The following IPCEF1 variants were observed in gnomAD, a reference collection of about 807,000 sequenced individuals.
The protein encoded by IPCEF1 is interaction protein for cytohesin exchange factors 1.
Under a neutral mutation model 50.9 loss-of-function variants are expected in IPCEF1, and 31 were observed. That is an observed-to-expected ratio of 0.61 (90% CI 0.46 to 0.82). The LOEUF is 0.82. IPCEF1 is among the 40% of genes least tolerant of loss of function. The pLI is 0.00. For missense variants in IPCEF1, 458 were observed against 514.0 expected, an observed-to-expected ratio of 0.89 and a Z score of 1.05; for synonymous variants, 181 against 192.0, an observed-to-expected ratio of 0.94 and a Z score of 0.47.
intron 5 of IPCEF1, among the ~76,000 whole-genome samples, chr6:154,227,261 T>C (rs1356530065): frequency 6.6e-6 from 1 of 151,906 alleles, no homozygotes; most frequent in Non-Finnish European, 1.5e-5. Context: ...AAAACAATAG[T>C]TCCATGGAGC....
intron 11 of IPCEF1, among the ~76,000 whole-genome samples, chr6:154,163,168 A>T (rs990300373): frequency 2.6e-5 from 4 of 152,178 alleles, no homozygotes; most frequent in Admixed American, 6.5e-5. Flanking sequence ...TGCAATGGCA[A>T]TGAGATCCTC....
chr6:154,283,840 G>C (rs1428292529), intron 2 of IPCEF1, among the ~76,000 whole-genome samples: 2 of 152,114 alleles, frequency 1.3e-5, no homozygotes, highest in African/African-American at 2.4e-5. Flanking sequence ...TCAAGTGTGA[G>C]TGCAAAATAA....
intron 9 of IPCEF1, among the ~76,000 whole-genome samples, chr6:154,205,524 G>A (rs1777420340): frequency 1.3e-5 from 2 of 152,312 alleles, no homozygotes; most frequent in South Asian, 2.1e-4. Flanking sequence ...GAACCCAGGA[G>A]GCGGAAGTTG....
intron 3 of IPCEF1, among the ~76,000 whole-genome samples, chr6:154,263,692 AC>A (rs1159365754): frequency 2.8e-5 from 2 of 72,486 alleles, no homozygotes; most frequent in African/African-American, 6.2e-5. Context: ...TCTCTTCCCC[AC>A]CCTTCCCCCC....
intron 10 of IPCEF1, among the ~76,000 whole-genome samples, chr6:154,184,800 T>C (rs1436264612): frequency 2.6e-5 from 4 of 152,220 alleles, no homozygotes; most frequent in Admixed American, 2.0e-4. Flanking sequence ...TTATCAAGTA[T>C]AGTATCTTTC....
At chr6:154,244,878 A>G (rs1187988209) in intron 5 of IPCEF1, among the ~76,000 whole-genome samples, 3 of 152,300 alleles carry the variant, frequency 2.0e-5, no homozygotes, top group African/African-American at 2.4e-5. Context: ...TCAGCGTCCA[A>G]TCTTTCCAAC....
At chr6:154,337,202 T>C (rs1420131843) in intron 1 of IPCEF1, among the ~76,000 whole-genome samples, 1 of 152,154 alleles carries the variant, frequency 6.6e-6, no homozygotes, top group East Asian at 1.9e-4. Flanking sequence ...GCTCAGAAGT[T>C]CTATGCGAAT....
intron 1 of IPCEF1, among the ~76,000 whole-genome samples, chr6:154,328,741 T>C (rs60215667): frequency 1.3e-5 from 2 of 152,306 alleles, no homozygotes; most frequent in East Asian, 3.9e-4. Context: ...CCTAGTGTAC[T>C]CGTTTCTAAA....
intron 10 of IPCEF1, among the ~76,000 whole-genome samples, chr6:154,197,438 T>G (rs568363342): frequency 1.3e-5 from 2 of 152,304 alleles, no homozygotes; most frequent in Non-Finnish European, 2.9e-5. Context: ...TCAGCAAAAA[T>G]TCTGTAGCAT....
At chr6:154,288,432 G>C (rs1054047046) in intron 2 of IPCEF1, among the ~76,000 whole-genome samples, 1 of 152,280 alleles carries the variant, frequency 6.6e-6, no homozygotes, top group Admixed American at 6.5e-5. Flanking sequence ...GGGAGGCCGA[G>C]GCGGGCAGAT....
At chr6:154,210,240 AC>A (rs1228151369) in intron 9 of IPCEF1, among the ~76,000 whole-genome samples, 3 of 152,184 alleles carry the variant, frequency 2.0e-5, no homozygotes, top group Non-Finnish European at 4.4e-5. Context: ...TAGCAAAGTA[AC>A]CTGAGATACT....
intron 1 of IPCEF1, among the ~76,000 whole-genome samples, chr6:154,334,021 A>G (rs1055256532): frequency 6.6e-6 from 1 of 152,038 alleles, no homozygotes; most frequent in African/African-American, 2.4e-5. Flanking sequence ...GAAAAGCTGA[A>G]ACAATCTTCA....
intron 11 of IPCEF1, among the ~76,000 whole-genome samples, chr6:154,166,029 T>C (rs1309731991): frequency 1.3e-5 from 2 of 152,258 alleles, no homozygotes; most frequent in Non-Finnish European, 2.9e-5. Context: ...CAGCCCCAGC[T>C]GACAGCTTGA....
chr6:154,342,231 G>A (rs4610580), intron 1 of IPCEF1, among the ~76,000 whole-genome samples: 79,452 of 152,034 alleles, frequency 0.52, 21,726 homozygotes, highest in East Asian at 0.89. Context: ...CACCAATAAC[G>A]TCATTACAAG....
chr6:154,291,702 T>TTTTG (rs1782518406), intron 1 of IPCEF1, among the ~76,000 whole-genome samples: 1 of 148,066 alleles, frequency 6.8e-6, no homozygotes. Context: ...TTTTTTTTTT[T>TTTTG]GAGATGGAGT....
intron 7 of IPCEF1, among the ~76,000 whole-genome samples, chr6:154,219,795 G>C (rs539381809): frequency 6.6e-6 from 1 of 152,250 alleles, no homozygotes; most frequent in East Asian, 1.9e-4. Context: ...CTTTGTCCAA[G>C]TAAATCAAAG....
chr6:154,331,407 G>GAAAGAAAGAAAGAA (rs1554225595), intron 1 of IPCEF1, among the ~76,000 whole-genome samples: 3,092 of 130,780 alleles, frequency 0.024, 55 homozygotes, highest in East Asian at 0.052. Context: ...AAGAAAGAAA[G>GAAAGAAAGAAAGAA]AGAGAGAAAA....
intron 1 of IPCEF1, among the ~76,000 whole-genome samples, chr6:154,298,010 T>C (rs1782706308): frequency 6.6e-6 from 1 of 152,236 alleles, no homozygotes; most frequent in African/African-American, 2.4e-5. Context: ...AAAGTCCACA[T>C]GAACATTTTC....
intron 10 of IPCEF1, among the ~76,000 whole-genome samples, chr6:154,196,561 A>G (rs1001063968): frequency 9.2e-5 from 14 of 152,178 alleles, no homozygotes; most frequent in Non-Finnish European, 1.6e-4. Flanking sequence ...AGGTTTCTTC[A>G]TTCATTAAGT....
Sources: gnomAD v4.1 joint callset for allele counts (sites outside exome capture counted in the v4.1 genomes callset) on GRCh38, gnomAD v4.1.1 for gene constraint, MANE v1.5 for transcripts, NCBI Gene and HGNC (gene_info 2026-07-23, HGNC 2026-07-21) for gene names.